Variants in CDH18 observed in about 807,000 individuals in gnomAD.
The protein encoded by CDH18 is cadherin 18.
A neutral mutation model predicts 67.9 loss-of-function variants in CDH18; 31 were observed. That is an observed-to-expected ratio of 0.46 (90% confidence interval 0.34 to 0.62). The LOEUF is 0.62. CDH18 is among the 20% of genes least tolerant of loss of function. The probability of loss-of-function intolerance (pLI) is 0.01; values close to 1 mark genes in which losing one functional copy is unlikely to be tolerated. For missense variants in CDH18, 890 were observed against 975.5 expected, an observed-to-expected ratio of 0.91 and a Z score of 1.17; for synonymous variants, 362 against 347.2, an observed-to-expected ratio of 1.04 and a Z score of -0.48.
At chr5:19,668,319 A>T (rs1225941194) in intron 5 of CDH18, among the ~76,000 whole-genome samples, 2 of 152,042 alleles carry the variant, frequency 1.3e-5, no homozygotes, top group African/African-American at 4.8e-5. Flanking sequence ...TTTTCACTCA[A>T]ACTTCTAAAG....
At chr5:20,065,019 A>T (rs1377652931) in intron 2 of CDH18, among the ~76,000 whole-genome samples, 1 of 152,000 alleles carries the variant, frequency 6.6e-6, no homozygotes, top group Admixed American at 6.6e-5. Flanking sequence ...TAAACTGTTA[A>T]AATAACAGTT....
intron 2 of CDH18, among the ~76,000 whole-genome samples, chr5:19,961,307 C>T (rs1796880175): frequency 6.6e-6 from 1 of 151,862 alleles, no homozygotes; most frequent in African/African-American, 2.4e-5. Context: ...TGGGGTTTCA[C>T]TATGTTGGCC....
At chr5:20,282,940 A>T (rs1746398421) in intron 1 of CDH18, among the ~76,000 whole-genome samples, 1 of 152,154 alleles carries the variant, frequency 6.6e-6, no homozygotes, top group Admixed American at 6.6e-5. Flanking sequence ...ATGCATCAAA[A>T]TAGAGAGACC....
chr5:19,870,758 C>A (rs540423994), intron 2 of CDH18, among the ~76,000 whole-genome samples: 1 of 152,226 alleles, frequency 6.6e-6, no homozygotes, highest in South Asian at 2.1e-4. Flanking sequence ...TTAGATGCTA[C>A]GTGGTCCAAG....
At chr5:20,281,167 C>T (rs951733134) in intron 1 of CDH18, among the ~76,000 whole-genome samples, 3 of 152,032 alleles carry the variant, frequency 2.0e-5, no homozygotes, top group Non-Finnish European at 4.4e-5. Context: ...TGCCTGTTCA[C>T]TCTGATGGTA....
rs150479337 is a variant in CDH18 at position 20,501,855 on chromosome 5, C to T, written c.-580+73607G>A. ...GTTCTTTCTTGAAGAAGAACTCAGT[C>T]CATCAGGAGATTGAAGTTTCCTTAA... On this transcript the variant is annotated intron_variant, in intron 1 of 14. Transcript: ENST00000507958. Among the ~76,000 whole-genome samples, 767 of 148,766 alleles carry T rather than the reference C, an allele frequency of 5.2e-3. 2 individuals carry two copies. Among genetic ancestry groups the T allele is most frequent in the Non-Finnish European group, 8.3e-3 (563 of 67,516 alleles).
chr5:19,933,771 C>T (rs897519833), intron 2 of CDH18, among the ~76,000 whole-genome samples: 3 of 151,388 alleles, frequency 2.0e-5, no homozygotes, highest in East Asian at 1.9e-4. Flanking sequence ...CACATTTTAG[C>T]GTCCATTTCT....
At chr5:19,626,868 GC>G (rs1178107119) in intron 5 of CDH18, among the ~76,000 whole-genome samples, 1 of 152,098 alleles carries the variant, frequency 6.6e-6, no homozygotes, top group Non-Finnish European at 1.5e-5. Context: ...TGATTATTAT[GC>G]TTTCAAAAAT....
chr5:19,522,071 T>A (rs1185417580), intron 9 of CDH18, among the ~76,000 whole-genome samples: 1 of 152,086 alleles, frequency 6.6e-6, no homozygotes, highest in African/African-American at 2.4e-5. Context: ...AATGTTTGTT[T>A]AGCTCAACAA....
chr5:19,509,003 GTTGGGATTACAGGTGTAAGCCACCATGCC>G (rs1744692448), intron 10 of CDH18, among the ~76,000 whole-genome samples: 1 of 151,680 alleles, frequency 6.6e-6, no homozygotes, highest in Admixed American at 6.6e-5. Flanking sequence ...CCACCGAGTA[GTTGGGATTACAGGTGTAAGCCACCATGCC>G]TAATTTTTGT....
At chr5:20,154,629 C>T (rs976170346) in intron 2 of CDH18, among the ~76,000 whole-genome samples, 1 of 152,082 alleles carries the variant, frequency 6.6e-6, no homozygotes, top group Non-Finnish European at 1.5e-5. Context: ...AGTCTCTGTG[C>T]CATTCTTTAT....
chr5:20,302,945 G>A (rs1218888200), intron 1 of CDH18, among the ~76,000 whole-genome samples: 2 of 152,278 alleles, frequency 1.3e-5, no homozygotes, highest in South Asian at 2.1e-4. Flanking sequence ...ATGGATATTC[G>A]TGTGCATAAC....
At chr5:19,785,774 C>T (rs1215314707) in intron 3 of CDH18, among the ~76,000 whole-genome samples, 1 of 119,390 alleles carries the variant, frequency 8.4e-6, no homozygotes, top group African/African-American at 3.2e-5. Flanking sequence ...ATAGAGGTTT[C>T]ATGAAGATTA....
chr5:20,483,435 A>C (rs1259292349), intron 1 of CDH18, among the ~76,000 whole-genome samples: 1 of 152,070 alleles, frequency 6.6e-6, no homozygotes, highest in Non-Finnish European at 1.5e-5. Flanking sequence ...ATTTCTATGA[A>C]ACTACCAAAG....
intron 1 of CDH18, among the ~76,000 whole-genome samples, chr5:20,331,812 T>G (rs538567760): frequency 6.6e-6 from 1 of 152,206 alleles, no homozygotes; most frequent in Non-Finnish European, 1.5e-5. Context: ...GTTCAGGCTA[T>G]TTCGTGCCCA....
intron 2 of CDH18, among the ~76,000 whole-genome samples, chr5:20,122,503 A>C (rs1202872833): frequency 6.6e-6 from 1 of 152,174 alleles, no homozygotes; most frequent in Non-Finnish European, 1.5e-5. Context: ...AATCAAAAGA[A>C]GTTTTGAGTT....
chr5:19,557,527 A>G (rs989134532), intron 8 of CDH18, among the ~76,000 whole-genome samples: 7 of 152,136 alleles, frequency 4.6e-5, no homozygotes, highest in South Asian at 2.1e-4. Context: ...ACAGCAGTTA[A>G]AAAAGACAGA....
At chr5:19,791,414 G>A (rs534275922) in intron 3 of CDH18, among the ~76,000 whole-genome samples, 1 of 147,920 alleles carries the variant, frequency 6.8e-6, no homozygotes, top group East Asian at 2.0e-4. Flanking sequence ...ATATTTAGTA[G>A]GGGCAGAAAG....
intron 2 of CDH18, among the ~76,000 whole-genome samples, chr5:20,092,507 G>GT (rs1745532930): frequency 6.6e-6 from 1 of 152,110 alleles, no homozygotes; most frequent in South Asian, 2.1e-4. Context: ...AAAAGTAATT[G>GT]TAAGTGTTTT....
Sources: gnomAD v4.1 joint callset for allele counts (sites outside exome capture counted in the v4.1 genomes callset) on GRCh38, gnomAD v4.1.1 for gene constraint, MANE v1.5 for transcripts, NCBI Gene and HGNC (gene_info 2026-07-23, HGNC 2026-07-21) for gene names.